The following NEBL variants were observed in gnomAD, a reference collection of about 807,000 sequenced individuals.
NEBL encodes the protein nebulette.
In NEBL, 122 loss-of-function variants were observed where a neutral mutation model predicts 140.2. That is an observed-to-expected ratio of 0.87 (90% CI 0.75 to 1.01). The LOEUF is 1.01. Ranked by LOEUF, NEBL falls within the 50% of genes least tolerant of loss-of-function variation. The pLI is 0.00. For synonymous variants in NEBL, 436 were observed against 398.9 expected, an observed-to-expected ratio of 1.09 and a Z score of -1.11; for missense variants, 1,365 against 1,231.3, an observed-to-expected ratio of 1.11 and a Z score of -1.62.
At chr10:21,008,896 T>C (rs1193682145) in intron 3 of NEBL, among the ~76,000 whole-genome samples, 1 of 151,784 alleles carries the variant, frequency 6.6e-6, no homozygotes, top group South Asian at 2.1e-4. Flanking sequence ...GTATGTATAT[T>C]ATATGTATAT....
intron 2 of NEBL, among the ~76,000 whole-genome samples, chr10:21,153,341 G>C (rs539055673): frequency 6.6e-6 from 1 of 150,838 alleles, no homozygotes; most frequent in Non-Finnish European, 1.5e-5. Flanking sequence ...TTTTTTTTAA[G>C]ATGGAGTTTT....
intron 4 of NEBL, among the ~76,000 whole-genome samples, chr10:20,949,777 T>C (rs1204879675): frequency 6.6e-6 from 1 of 152,196 alleles, no homozygotes; most frequent in Non-Finnish European, 1.5e-5. Context: ...ATTTCCTTAT[T>C]TAAATGGCTG....
intron 17 of NEBL, among the ~76,000 whole-genome samples, chr10:20,828,329 T>G (rs1840083890): frequency 6.6e-6 from 1 of 152,110 alleles, no homozygotes; most frequent in Non-Finnish European, 1.5e-5. Flanking sequence ...AAATTTTGAA[T>G]TTGTAATTCC....
intron 2 of NEBL, among the ~76,000 whole-genome samples, chr10:21,073,297 T>G (rs1835901265): frequency 6.7e-6 from 1 of 149,632 alleles, no homozygotes; most frequent in Non-Finnish European, 1.5e-5. Flanking sequence ...CACTCCAGCC[T>G]GGGCAACAGA....
intron 4 of NEBL, among the ~76,000 whole-genome samples, chr10:20,955,742 C>T (rs1835769480): frequency 6.6e-6 from 1 of 151,726 alleles, no homozygotes; most frequent in Non-Finnish European, 1.5e-5. Context: ...GTTTTAGATG[C>T]AATGAAAGGA....
At chr10:20,969,483 T>A (rs1041121632) in intron 3 of NEBL, among the ~76,000 whole-genome samples, 8 of 147,860 alleles carry the variant, frequency 5.4e-5, no homozygotes, top group Admixed American at 5.3e-4. Context: ...AAAAAAAAAA[T>A]GAAATTTTTT....
chr10:21,173,112 C>T lies in NEBL; in HGVS notation c.70-635G>A, dbSNP rs1236693013. On this transcript the variant is annotated intron_variant, in intron 1 of 6. Transcript: ENST00000417816. The surrounding 1 kb of genome is among the most constrained non-coding windows in gnomAD (Gnocchi z 5.7). The stretch of plus-strand genomic sequence containing the variant: ...CGCTCCTGGGTGTCTCTCTCCCGGG[C>T]TGTTCATCTCCGTCCCTGCCCGGGA... 6.6e-6 allele frequency among the ~76,000 whole-genome samples: 1 copy of T among 152,156 alleles called. No homozygotes were observed. Among genetic ancestry groups the T allele is most frequent in the Non-Finnish European group, 1.5e-5 (1 of 68,026 alleles).
intron 2 of NEBL, chr10:21,113,459 A>G (rs138176832): frequency 7.1e-5 from 28 of 394,270 alleles, no homozygotes; most frequent in African/African-American, 5.5e-4. Context: ...ATGACTGACC[A>G]GGAGGCTATT....
At chr10:21,029,927 C>T (rs1833707357) in intron 2 of NEBL, 4 of 587,778 alleles carry the variant, frequency 6.8e-6, no homozygotes, top group Non-Finnish European at 1.3e-5. Flanking sequence ...GATGATGGGT[C>T]GTGCAGCTCC....
chr10:20,924,437 A>AC (rs1833770022), intron 4 of NEBL, among the ~76,000 whole-genome samples: 4 of 150,438 alleles, frequency 2.7e-5, no homozygotes, highest in Non-Finnish European at 5.9e-5. Flanking sequence ...AAAAAAAAAA[A>AC]AGGCTACACC....
chr10:21,012,662 T>G (rs919266454), intron 3 of NEBL, among the ~76,000 whole-genome samples: 2 of 152,218 alleles, frequency 1.3e-5, no homozygotes, highest in African/African-American at 4.8e-5. Flanking sequence ...CATAAGCTAC[T>G]GTGCCCAGCC....
chr10:20,857,352 G>A (rs1339133459), intron 9 of NEBL, among the ~76,000 whole-genome samples: 1 of 152,026 alleles, frequency 6.6e-6, no homozygotes, highest in African/African-American at 2.4e-5. Context: ...CTAAGTCTAG[G>A]CCCATCAACT....
chr10:21,055,650 C>T (rs946032182), intron 2 of NEBL, among the ~76,000 whole-genome samples: 4 of 152,310 alleles, frequency 2.6e-5, no homozygotes, highest in African/African-American at 9.6e-5. Flanking sequence ...CAGTGTGTAC[C>T]TCACAGAATT....
intron 18 of NEBL, among the ~76,000 whole-genome samples, chr10:20,825,072 T>C (rs1410430148): frequency 6.6e-6 from 1 of 152,236 alleles, no homozygotes; most frequent in Non-Finnish European, 1.5e-5. Context: ...GACAGCTCCA[T>C]GGTGCTACAG....
chr10:21,149,887 C>G (rs960792399), intron 2 of NEBL, among the ~76,000 whole-genome samples: 1 of 152,202 alleles, frequency 6.6e-6, no homozygotes, highest in East Asian at 1.9e-4. Flanking sequence ...GAACTGATCA[C>G]TTGCTTGGTA....
At chr10:20,958,995 A>G (rs1471921974) in intron 4 of NEBL, among the ~76,000 whole-genome samples, 1 of 152,212 alleles carries the variant, frequency 6.6e-6, no homozygotes, top group Non-Finnish European at 1.5e-5. Flanking sequence ...ATTGACATAG[A>G]CATAAGCAAT....
chr10:21,229,410 G>C (rs569305135), intron 3 of NEBL, among the ~76,000 whole-genome samples: 1 of 152,260 alleles, frequency 6.6e-6, no homozygotes, highest in South Asian at 2.1e-4. Flanking sequence ...AACAGAGGGG[G>C]ACCCTGTCTC....
At chr10:20,840,688 G>T in intron 13 of NEBL, 51 bp downstream of exon 13, 2 of 1,247,798 alleles carry the variant, frequency 1.6e-6, no homozygotes, top group Non-Finnish European at 1.2e-6. Context: ...TGACAAATAA[G>T]AAAGTCAGCT....
At chr10:20,790,984 A>AC (rs1835908885) in intron 26 of NEBL, among the ~76,000 whole-genome samples, 1 of 152,230 alleles carries the variant, frequency 6.6e-6, no homozygotes. Context: ...GTCATCAGAT[A>AC]CCATTAGCAT....
Sources: gnomAD v4.1 joint callset for allele counts (sites outside exome capture counted in the v4.1 genomes callset) on GRCh38, gnomAD v4.1.1 for gene constraint, Gnocchi (gnomAD v3.1) non-coding constraint, MANE v1.5 for transcripts, NCBI Gene and HGNC (gene_info 2026-07-23, HGNC 2026-07-21) for gene names.